TFDP2: variants seen among roughly 807,000 people sequenced by gnomAD.
The protein encoded by TFDP2 is transcription factor Dp-2 (E2F dimerization partner 2).
A neutral mutation model predicts 59.3 loss-of-function variants in TFDP2; 17 were observed. The observed-to-expected ratio is 0.29, with a 90% CI of 0.20 to 0.43. The LOEUF is 0.43. Ranked by LOEUF, TFDP2 falls within the 20% of genes least tolerant of loss-of-function variation. The probability of loss-of-function intolerance (pLI) is 1.00; values close to 1 mark genes in which losing one functional copy is unlikely to be tolerated. For missense variants in TFDP2, 391 were observed against 528.8 expected (o/e 0.74, Z 2.56); for synonymous variants, 180 against 194.7 (o/e 0.92, Z 0.63).
At chr3:142,012,669 T>G (rs925490987) in intron 3 of TFDP2, among the ~76,000 whole-genome samples, 2 of 152,174 alleles carry the variant, frequency 1.3e-5, no homozygotes, top group African/African-American at 4.8e-5. Flanking sequence ...CCTGAAAAAC[T>G]ACATATACAT....
intron 3 of TFDP2, among the ~76,000 whole-genome samples, chr3:142,090,214 G>C (rs2060954521): frequency 6.6e-6 from 1 of 152,092 alleles, no homozygotes; most frequent in African/African-American, 2.4e-5. Context: ...TGTAGTCTCA[G>C]CTACTCCAGA....
chr3:142,067,508 G>C (rs1199072607), intron 3 of TFDP2, among the ~76,000 whole-genome samples: 1 of 151,988 alleles, frequency 6.6e-6, no homozygotes, highest in Non-Finnish European at 1.5e-5. Flanking sequence ...CCATGCTCAT[G>C]AATAGGAAGA....
chr3:142,033,704 G>A (rs1946543120), intron 3 of TFDP2, among the ~76,000 whole-genome samples: 1 of 152,166 alleles, frequency 6.6e-6, no homozygotes, highest in African/African-American at 2.4e-5. Context: ...GACAGCATGA[G>A]CATTAGAGTC....
intron 3 of TFDP2, among the ~76,000 whole-genome samples, chr3:142,062,411 G>A (rs1170489694): frequency 1.5e-4 from 23 of 149,104 alleles, no homozygotes; most frequent in African/African-American, 4.9e-4. Flanking sequence ...ATGTGTGTGT[G>A]TGTGTGTGTG....
In TFDP2 at chr3:141,957,739, T is replaced by C. The variant is rs1369585713; in HGVS notation, c.1051+1935A>G. ...AAATGCCCCATGCTGTAGGGTTCCA[T>C]TCACATAAAGCGTCTTTCTAGAATA... is the stretch of plus-strand genomic sequence containing the variant. On this transcript the variant is annotated intron_variant, in intron 11 of 12. Transcript: ENST00000489671. Among the ~76,000 whole-genome samples the C allele has an allele frequency of 3.3e-5, 5 of 152,222 alleles. No homozygotes were observed. The East Asian group carries it at 9.6e-4, about 29-fold the overall frequency.
intron 3 of TFDP2, among the ~76,000 whole-genome samples, chr3:142,085,172 C>A (rs975415327): frequency 3.3e-5 from 5 of 152,292 alleles, no homozygotes; most frequent in Non-Finnish European, 7.3e-5. Flanking sequence ...CCGCCTGCCT[C>A]CCAAAGTGCT....
Position 141,995,116 on chromosome 3 carries a change from G to T in TFDP2, c.212C>A (p.Thr71Asn). The T allele has an allele frequency of 6.2e-7, 1 of 1,608,198 alleles. No homozygotes were observed. Among genetic ancestry groups the T allele is most frequent in the South Asian group, 1.1e-5 (1 of 89,670 alleles). ...QMIISTPQRL[T>N]SSGSVLIGSP... ...CCCAATCAGAACACTTCCTGAACTG[G>T]TTAGTCTCTGTGGTGTGCTTATAAT... Residue 71 changes from threonine (T) to asparagine (N), a missense_variant, in exon 5 of 13, where the codon ACC becomes AAC. Physicochemically the swap from Thr to Asn is moderately conservative, Grantham distance 65 (BLOSUM62 0). Transcript: ENST00000489671.
intron 3 of TFDP2, among the ~76,000 whole-genome samples, chr3:142,054,361 T>C (rs1184315427): frequency 2.6e-5 from 4 of 152,194 alleles, no homozygotes; most frequent in Non-Finnish European, 4.4e-5. Flanking sequence ...GAAAACATTA[T>C]GCTAAGTACA....
At chr3:142,118,245 C>T (rs1314804320) in intron 1 of TFDP2, among the ~76,000 whole-genome samples, 1 of 152,144 alleles carries the variant, frequency 6.6e-6, no homozygotes, top group Non-Finnish European at 1.5e-5. Context: ...AAAGAGAGCA[C>T]ACTGGCAGAA....
At chr3:142,149,109 C>T (rs2063292637) in intron 1 of TFDP2, 74 bp downstream of exon 1, 1 of 397,550 alleles carries the variant, frequency 2.5e-6, no homozygotes, top group Admixed American at 4.4e-5. Flanking sequence ...GGGAGGGAAA[C>T]CTACCCAGGA....
rs11569171 is a variant in TFDP2, at chr3:142,028,847, T to G, written c.83-23303A>C. ...TCTTAGATGAAGGGGCTTTTCTATG[T>G]AGAACCTTGTTTTCTTATTAAATTA... On this transcript the variant is annotated intron_variant, in intron 3 of 12. Coordinates refer to ENST00000489671, the MANE Select transcript of TFDP2 (RefSeq NM_001178139.2). The G allele has an allele frequency of 0.018, 5,425 of 294,230 alleles. 354 individuals are homozygous for G. In the East Asian group the frequency reaches 0.19, roughly 10 times the overall value. 18.2% of individuals were successfully genotyped at this position (294,230 alleles called of 1,614,324 possible).
chr3:142,018,237 C>G (rs909871535), intron 3 of TFDP2, among the ~76,000 whole-genome samples: 2 of 152,134 alleles, frequency 1.3e-5, no homozygotes, highest in Non-Finnish European at 2.9e-5. Context: ...AGCCACCGTA[C>G]CAGGCCTCAA....
intron 3 of TFDP2, among the ~76,000 whole-genome samples, chr3:142,029,662 A>C (rs1396517012): frequency 1.3e-5 from 2 of 152,194 alleles, no homozygotes; most frequent in Non-Finnish European, 2.9e-5. Flanking sequence ...ACAAAAAGCA[A>C]GGTAACATTA....
intron 3 of TFDP2, among the ~76,000 whole-genome samples, chr3:142,076,871 G>A (rs183040581): frequency 6.6e-5 from 10 of 152,246 alleles, no homozygotes; most frequent in East Asian, 5.8e-4. Context: ...AAAAAAGTAC[G>A]TTCATAAGAA....
chr3:142,148,029 A>AAT (rs1352481635), intron 1 of TFDP2, among the ~76,000 whole-genome samples: 1 of 152,132 alleles, frequency 6.6e-6, no homozygotes, highest in Non-Finnish European at 1.5e-5. Flanking sequence ...AAAATAGATG[A>AAT]ATATATATTC....
intron 6 of TFDP2, chr3:141,988,930 C>G (rs79006418): frequency 0.074 from 11,325 of 152,144 alleles, 522 homozygotes; most frequent in Non-Finnish European, 0.11. Context: ...GATTACAGGC[C>G]TGAGCCAACA....
chr3:142,056,284 T>C (rs2059741145), intron 3 of TFDP2, among the ~76,000 whole-genome samples: 1 of 146,214 alleles, frequency 6.8e-6, no homozygotes, highest in African/African-American at 2.6e-5. Flanking sequence ...AGCACAGTGC[T>C]TGGCACTGGG....
intron 1 of TFDP2, among the ~76,000 whole-genome samples, chr3:142,134,341 C>A (rs1167071898): frequency 3.1e-4 from 41 of 132,622 alleles, no homozygotes; most frequent in Non-Finnish European, 6.3e-4. Context: ...AGAGCGAGAC[C>A]CCATCTCAAA....
intron 1 of TFDP2, among the ~76,000 whole-genome samples, chr3:142,148,136 G>C (rs1259449766): frequency 6.6e-6 from 1 of 151,638 alleles, no homozygotes; most frequent in African/African-American, 2.4e-5. Context: ...AAAAAAGTAG[G>C]TTGTGCAAGT....
Sources: gnomAD v4.1 joint callset for allele counts (sites outside exome capture counted in the v4.1 genomes callset) on GRCh38, gnomAD v4.1.1 for gene constraint, MANE v1.5 for transcripts, NCBI Gene and HGNC (gene_info 2026-07-23, HGNC 2026-07-21) for gene names.